USP31: variants seen among roughly 807,000 people sequenced by gnomAD.
USP31 encodes the protein ubiquitin carboxyl-terminal hydrolase 31.
USP31 carries 44 observed loss-of-function variants against 119.4 expected under a neutral mutation model. The observed-to-expected ratio is 0.37, with a 90% CI of 0.29 to 0.47. The LOEUF (loss-of-function observed/expected upper bound fraction) is 0.47. Among genes scored for constraint, USP31 ranks in the 20% least tolerant of loss-of-function variants. The pLI is 0.99. For synonymous variants in USP31, 749 were observed against 705.6 expected, an observed-to-expected ratio of 1.06 and a Z score of -0.97; for missense variants, 1,643 against 1,730.2, an observed-to-expected ratio of 0.95 and a Z score of 0.89.
intron 6 of USP31, among the ~76,000 whole-genome samples, chr16:23,094,624 G>A (rs1901521089): frequency 6.6e-6 from 1 of 152,126 alleles, no homozygotes; most frequent in Non-Finnish European, 1.5e-5. Context: ...ATACAGGCGG[G>A]TGCCTGTCTG....
intron 1 of USP31, among the ~76,000 whole-genome samples, chr16:23,123,306 G>C (rs1234280685): frequency 1.3e-5 from 2 of 152,204 alleles, no homozygotes; most frequent in Non-Finnish European, 2.9e-5. Context: ...GGGAGGCCGA[G>C]GTGGATGGAT....
chr16:23,105,695 C>T (rs1468388853), intron 4 of USP31, 119 bp from the exon 5 acceptor site: 27 of 1,180,422 alleles, frequency 2.3e-5, no homozygotes, highest in Admixed American at 3.6e-5. Context: ...CACTGTTACT[C>T]GGAAGCCCAA....
intron 1 of USP31, among the ~76,000 whole-genome samples, chr16:23,124,723 T>G (rs886924246): frequency 1.3e-5 from 2 of 152,160 alleles, no homozygotes; most frequent in Non-Finnish European, 2.9e-5. Flanking sequence ...ACCCCATCTC[T>G]GCTAAAAATA....
At chr16:23,121,411 C>G (rs1902664522) in intron 1 of USP31, among the ~76,000 whole-genome samples, 1 of 152,220 alleles carries the variant, frequency 6.6e-6, no homozygotes, top group Non-Finnish European at 1.5e-5. Context: ...TGGCTCCAGT[C>G]TTCTCCTAGC....
intron 9 of USP31, among the ~76,000 whole-genome samples, chr16:23,086,264 AAGCAGGACC>A (rs1350426583): frequency 6.6e-6 from 1 of 152,198 alleles, no homozygotes; most frequent in African/African-American, 2.4e-5. Flanking sequence ...GTAAGCTTTC[AAGCAGGACC>A]ATATTGTATG....
intron 1 of USP31, among the ~76,000 whole-genome samples, chr16:23,133,036 T>G: frequency 6.6e-6 from 1 of 152,122 alleles, no homozygotes; most frequent in Non-Finnish European, 1.5e-5. Context: ...CAATCCACTA[T>G]GAAGCATGTG....
chr16:23,093,128 C>T lies in USP31; in HGVS notation c.1235-2324G>A, dbSNP rs74758494. On this transcript the variant is annotated intron_variant, in intron 6 of 15. Coordinates refer to ENST00000219689, the MANE Select transcript of USP31 (RefSeq NM_020718.4). ...ATCTTTATGACCTTGGATGTGGTGA[C>T]GGATTCTTAGATATGACGACAAAAT... 2.1e-3 allele frequency among the ~76,000 whole-genome samples: 325 copies of T among 152,148 alleles called. 9 individuals are homozygous for T. The East Asian group carries it at 0.059, about 27-fold the overall frequency.
In USP31 at chr16:23,072,677, C is replaced by T. The variant is rs1900396430; in HGVS notation, c.2336-480G>A. On this transcript the variant is annotated intron_variant, in intron 14 of 15. Coordinates refer to ENST00000219689, the MANE Select transcript of USP31 (RefSeq NM_020718.4). ...CACCATTTTCATAATATTAATAATA[C>T]ACACACACAGCTATATGTCAATCTG... 1.1e-5 allele frequency: 4 copies of T among 360,480 alleles called. No individual in the cohort carries two copies. The Admixed American group carries it at 1.3e-4, about 12-fold the overall frequency. The allele number at this position is 360,480 out of a possible 1,614,324, so 22.3% of individuals were successfully genotyped here.
intron 6 of USP31, among the ~76,000 whole-genome samples, chr16:23,101,094 A>G (rs371499084): frequency 1.4e-4 from 21 of 152,220 alleles, no homozygotes; most frequent in African/African-American, 4.6e-4. Flanking sequence ...AGCATGTAAC[A>G]TGATCAGAAC....
intron 13 of USP31, among the ~76,000 whole-genome samples, chr16:23,074,901 T>C: frequency 6.6e-6 from 1 of 152,168 alleles, no homozygotes; most frequent in African/African-American, 2.4e-5. Flanking sequence ...TGCATTTATT[T>C]GGGGTGAGAA....
chr16:23,082,528 T>A lies in USP31; in HGVS notation c.1860A>T (p.Pro620=). The A allele has an allele frequency of 6.2e-7, 1 of 1,614,202 alleles. No individual in the cohort carries two copies. The highest frequency in any genetic ancestry group is 8.5e-7 in the Non-Finnish European group (1 of 1,180,032). ...RLAPDDAWRC[P]HCKQLQQGSI... is the part of the protein sequence containing the mutation. ...TTCCCTGCTGCAGCTGCTTACAGTG[T>A]GGGCAACGCCAGGCATCATCGGGGG... Residue 620 remains proline, a synonymous_variant, in exon 12 of 16, where the codon CCA becomes CCT. Transcript: ENST00000219689.
rs2141821648 is a variant in USP31 at position 23,067,050 on chromosome 16, CAG to C, written c.*994_*995del. The C allele has an allele frequency of 6.6e-6, 1 of 152,350 alleles. No homozygotes were observed. The highest frequency in any genetic ancestry group is 2.4e-5 in the African/African-American group (1 of 41,570). The allele number at this position is 152,350 out of a possible 1,614,324, so 9.4% of individuals were successfully genotyped here. On this transcript the variant is annotated 3_prime_UTR_variant, in exon 16 of 16. Coordinates refer to ENST00000219689, the MANE Select transcript of USP31 (RefSeq NM_020718.4). ...ATGAGGGAACATGAGCCCACAGACA[CAG>C]GGCATCGTGGAGCTTCCCACCTCTA...
At chr16:23,107,062 A>C (rs1329690139) in intron 2 of USP31, among the ~76,000 whole-genome samples, 1 of 151,802 alleles carries the variant, frequency 6.6e-6, no homozygotes, top group African/African-American at 2.4e-5. Context: ...TGGTGAGCCG[A>C]GACTGTGCCA....
Position 23,106,276 on chromosome 16 carries a change from T to G in USP31, c.890A>C (p.Lys297Thr). The G allele has an allele frequency of 6.2e-7, 1 of 1,614,230 alleles. No homozygotes were observed. Among genetic ancestry groups the G allele is most frequent in the Middle Eastern group, 1.6e-4 (1 of 6,062 alleles). Residue 297 changes from lysine (K) to threonine (T), a missense_variant, in exon 4 of 16, where the codon AAA becomes ACA. This residue lies in a region of USP31 where 144 missense variants were observed against 218.0 expected (regional missense o/e 0.66). Coordinates refer to ENST00000219689, the MANE Select transcript of USP31 (RefSeq NM_020718.4). ...RSSLTCPHCQ[K>T]QSNTFDPFLC... ...GAAAGGATCAAAAGTGTTGCTCTGT[T>G]TCTGACAATGAGGACACGTCAAAGA...
In USP31 at chr16:23,087,120, G is replaced by C. The variant is rs747724847; in HGVS notation, c.1594C>G (p.Gln532Glu). 66 of 1,613,428 alleles carry C rather than the reference G, an allele frequency of 4.1e-5. No individual in the cohort carries two copies. The highest frequency in any genetic ancestry group is 5.3e-5 in the Non-Finnish European group (62 of 1,179,780). The change falls in exon 9 of 16, where the codon CAG (glutamine) becomes GAG (glutamate). Residue 532 changes from glutamine (Q) to glutamate (E), a missense_variant. Gln to Glu is a conservative substitution (Grantham distance 29). Coordinates refer to ENST00000219689, the MANE Select transcript of USP31 (RefSeq NM_020718.4). ...GITYLLPQEE[Q>E]PLCHPIVERA... ...TCTACTATTGGGTGGCACAAGGGCT[G>C]CTCCTCCTGGGGCAGCAAATATGTT...
chr16:23,111,294 G>C (rs1333924575), intron 1 of USP31, among the ~76,000 whole-genome samples: 1 of 152,152 alleles, frequency 6.6e-6, no homozygotes. Flanking sequence ...ATTTGGGAGA[G>C]ATTTAGGAAT....
At chr16:23,074,636 T>C (rs767811012) in intron 13 of USP31, among the ~76,000 whole-genome samples, 1 of 152,178 alleles carries the variant, frequency 6.6e-6, no homozygotes, top group Non-Finnish European at 1.5e-5. Context: ...CCTGCCCTGC[T>C]TCCCTCAGGG....
Position 23,069,424 on chromosome 16 carries a change from G to A in USP31, c.2681C>T (p.Ser894Phe). Residue 894 changes from serine (S) to phenylalanine (F), a missense_variant, in exon 16 of 16, where the codon TCC becomes TTC. Ser to Phe is a radical substitution (Grantham distance 155, BLOSUM62 -2). This residue lies in a region of USP31 where 699 missense variants were observed against 650.9 expected (regional missense o/e 1.07). Transcript: ENST00000219689. ...SGDSPIHSSA[S>F]TLEKIGEAAD... is the part of the protein sequence containing the mutation. ...TGCCTCCCCAATCTTCTCCAAGGTGGAAGCAGAGCTGTGAATTGGCGAATC... is the reference window on the plus strand; with the variant it reads ...TGCCTCCCCAATCTTCTCCAAGGTGAAAGCAGAGCTGTGAATTGGCGAATC... 6.2e-7 allele frequency: 1 copy of A among 1,613,998 alleles called. No homozygotes were observed. Among genetic ancestry groups the A allele is most frequent in the Admixed American group, 1.7e-5 (1 of 60,000 alleles).
chr16:23,065,889 A>G lies in USP31; in HGVS notation c.*2157T>C, dbSNP rs1900046672. On this transcript the variant is annotated 3_prime_UTR_variant, in exon 16 of 16. Transcript: ENST00000219689. ...CAGAGATTCAGATAGGAGACTTCAA[A>G]TGAGATCTACCTATTAAACAAAAAT... 1 of 152,202 alleles carries G rather than the reference A, an allele frequency of 6.6e-6. No homozygotes were observed. The highest frequency in any genetic ancestry group is 1.5e-5 in the Non-Finnish European group (1 of 68,024). 9.4% of individuals were successfully genotyped at this position (152,202 alleles called of 1,614,324 possible).
Sources: gnomAD v4.1 joint callset for allele counts (sites outside exome capture counted in the v4.1 genomes callset) on GRCh38, gnomAD v4.1.1 for gene constraint, gnomAD v4.1.1 regional missense constraint, MANE v1.5 for transcripts, NCBI Gene and HGNC (gene_info 2026-07-23, HGNC 2026-07-21) for gene names.